Variants in TRABD2B observed in about 807,000 individuals in gnomAD.
TRABD2B encodes metalloprotease TIKI2.
A neutral mutation model predicts 40.1 loss-of-function variants in TRABD2B; 14 were observed. The observed-to-expected ratio is 0.35, with a 90% CI of 0.23 to 0.55. TRABD2B has a LOEUF of 0.55. TRABD2B is among the 20% of genes least tolerant of loss of function. TRABD2B has a pLI of 0.90. For missense variants in TRABD2B, 541 were observed against 648.6 expected (o/e 0.83, Z 1.80); for synonymous variants, 263 against 277.0 (o/e 0.95, Z 0.50).
chr1:47,872,731 G>T (rs1644162569), intron 2 of TRABD2B, among the ~76,000 whole-genome samples: 1 of 152,150 alleles, frequency 6.6e-6, no homozygotes, highest in Non-Finnish European at 1.5e-5. Flanking sequence ...GGAGAATCTG[G>T]CTCCCTGGAG....
At chr1:47,931,481 C>T (rs183644451) in intron 2 of TRABD2B, among the ~76,000 whole-genome samples, 34 of 152,256 alleles carry the variant, frequency 2.2e-4, no homozygotes, top group Admixed American at 9.8e-4. Context: ...AGACATCAGG[C>T]AGAAGTGATG....
intron 2 of TRABD2B, among the ~76,000 whole-genome samples, chr1:47,882,497 G>A (rs1192543175): frequency 6.6e-6 from 1 of 152,222 alleles, no homozygotes; most frequent in Admixed American, 6.5e-5. Flanking sequence ...GTCCCAGGGT[G>A]AAGGAGAAAC....
At chr1:47,990,504 G>T (rs1645984906) in intron 2 of TRABD2B, among the ~76,000 whole-genome samples, 1 of 151,952 alleles carries the variant, frequency 6.6e-6, no homozygotes, top group African/African-American at 2.4e-5. Context: ...AGTGGATATG[G>T]CTGCTGGGAG....
chr1:47,859,282 G>C (rs1643931854), intron 2 of TRABD2B, among the ~76,000 whole-genome samples: 1 of 152,108 alleles, frequency 6.6e-6, no homozygotes, highest in African/African-American at 2.4e-5. Context: ...GCTGTGGTCT[G>C]GTGGTTACCC....
intron 2 of TRABD2B, among the ~76,000 whole-genome samples, chr1:47,871,740 A>G (rs1644143932): frequency 6.6e-6 from 1 of 152,136 alleles, no homozygotes; most frequent in Admixed American, 6.5e-5. Context: ...CTGCTTAAGG[A>G]TCCTGGTGCT....
At chr1:47,805,237 C>T (rs1370129267) in intron 2 of TRABD2B, among the ~76,000 whole-genome samples, 2 of 151,864 alleles carry the variant, frequency 1.3e-5, no homozygotes, top group African/African-American at 2.4e-5. Flanking sequence ...CACATTCATC[C>T]ACACACACTG....
At chr1:47,931,204 C>T (rs1048441782) in intron 2 of TRABD2B, among the ~76,000 whole-genome samples, 7 of 152,148 alleles carry the variant, frequency 4.6e-5, no homozygotes, top group African/African-American at 7.2e-5. Context: ...CCTGTACAGG[C>T]TTTAGGATTC....
At chr1:47,778,802 T>C (rs1252162902) in intron 4 of TRABD2B, among the ~76,000 whole-genome samples, 1 of 152,252 alleles carries the variant, frequency 6.6e-6, no homozygotes, top group Non-Finnish European at 1.5e-5. Context: ...AAAGTGAGAA[T>C]GGCTGTAATA....
intron 2 of TRABD2B, among the ~76,000 whole-genome samples, chr1:47,874,315 G>A (rs1305928437): frequency 7.2e-6 from 1 of 138,652 alleles, no homozygotes; most frequent in African/African-American, 2.7e-5. Flanking sequence ...CCGGACTGCG[G>A]ACTGCGGACT....
At chr1:47,990,815 A>G (rs1338816298) in intron 2 of TRABD2B, among the ~76,000 whole-genome samples, 3 of 81,116 alleles carry the variant, frequency 3.7e-5, no homozygotes, top group Non-Finnish European at 4.7e-5. Flanking sequence ...ATATATATAT[A>G]TATATATATA....
At position 47,801,539 on chromosome 1, in the gene TRABD2B, C is replaced by T. The variant is rs990547212; in HGVS notation, c.747G>A (p.Glu249=). Residue 249 remains glutamate, a synonymous_variant, in exon 3 of 7, where the codon GAG becomes GAA. Transcript: ENST00000606738. ...AGSLQASYTT[E]DLIKHYNCGD... is the part of the protein sequence containing the mutation. ...CGCAGTTGTAGTGCTTGATGAGGTC[C>T]TCCGTGGTGTAGGAGGCCTGCAGGC... 7 of 1,536,088 alleles carry T rather than the reference C, an allele frequency of 4.6e-6. No individual in the cohort carries two copies. The highest frequency in any genetic ancestry group is 1.4e-5 in the African/African-American group (1 of 73,144).
At chr1:47,921,337 G>A (rs997889592) in intron 2 of TRABD2B, among the ~76,000 whole-genome samples, 11 of 152,180 alleles carry the variant, frequency 7.2e-5, no homozygotes, top group Admixed American at 7.2e-4. Context: ...GCCAGGGCCA[G>A]CAGCTAAGAA....
chr1:47,957,549 G>A (rs1645442551), intron 2 of TRABD2B, among the ~76,000 whole-genome samples: 1 of 152,316 alleles, frequency 6.6e-6, no homozygotes, highest in South Asian at 2.1e-4. Context: ...ACCATGGCAT[G>A]AGAACTTCAT....
At chr1:47,775,543 A>G in intron 5 of TRABD2B, 104 bp from the exon 6 acceptor site, 1 of 1,158,764 alleles carries the variant, frequency 8.6e-7, no homozygotes, top group Non-Finnish European at 1.1e-6. Context: ...GGCAGGAGAA[A>G]GTGCCAGGGT....
rs1298153171 is a variant in TRABD2B, at chr1:47,944,979, A to T, written c.666+49055T>A. Among the ~76,000 whole-genome samples, 3 of 151,996 alleles carry T rather than the reference A, an allele frequency of 2.0e-5. No individual in the cohort carries two copies. In the East Asian group the frequency reaches 5.8e-4, roughly 29 times the overall value. On this transcript the variant is annotated intron_variant, in intron 2 of 6. Coordinates refer to ENST00000606738, the MANE Select transcript of TRABD2B (RefSeq NM_001194986.2). ...CCCCCAAAGGCACTGATGCGGGGAC[A>T]AGTCTGAAATGTGCTGCAGGACATG...
chr1:47,812,005 C>T (rs1465723415), intron 2 of TRABD2B, among the ~76,000 whole-genome samples: 1 of 152,154 alleles, frequency 6.6e-6, no homozygotes, highest in Non-Finnish European at 1.5e-5. Flanking sequence ...ATTGAAAACC[C>T]AAGGCTCAGA....
chr1:47,959,222 G>A (rs982038793), intron 2 of TRABD2B, among the ~76,000 whole-genome samples: 2 of 152,072 alleles, frequency 1.3e-5, no homozygotes, highest in African/African-American at 4.8e-5. Flanking sequence ...ACTGTGTAGA[G>A]GGAAATTTAT....
At chr1:47,867,345 A>C (rs371226814) in intron 2 of TRABD2B, among the ~76,000 whole-genome samples, 1 of 152,212 alleles carries the variant, frequency 6.6e-6, no homozygotes, top group South Asian at 2.1e-4. Context: ...AAAATGCAAC[A>C]AAGTGTGGGC....
intron 4 of TRABD2B, among the ~76,000 whole-genome samples, chr1:47,781,160 C>A (rs1644516381): frequency 6.6e-6 from 1 of 152,224 alleles, no homozygotes; most frequent in Non-Finnish European, 1.5e-5. Context: ...CTCCAGCACG[C>A]AGGCTGGAGG....
Sources: gnomAD v4.1 joint callset for allele counts (sites outside exome capture counted in the v4.1 genomes callset) on GRCh38, gnomAD v4.1.1 for gene constraint, MANE v1.5 for transcripts, NCBI Gene and HGNC (gene_info 2026-07-23, HGNC 2026-07-21) for gene names.